ZBTB7C: variants seen among roughly 807,000 people sequenced by gnomAD.
ZBTB7C encodes the protein zinc finger and BTB domain-containing protein 7C.
Under a neutral mutation model 25.7 loss-of-function variants are expected in ZBTB7C, and 8 were observed. The ratio of observed to expected loss-of-function variants is 0.31; its 90% CI spans 0.18 to 0.56. The LOEUF (loss-of-function observed/expected upper bound fraction) is 0.56, where lower values mean the gene tolerates loss of function less well. ZBTB7C is among the 20% of genes least tolerant of loss of function. The probability of loss-of-function intolerance (pLI) is 0.91; values close to 1 mark genes in which losing one functional copy is unlikely to be tolerated. For synonymous variants in ZBTB7C, 394 were observed against 369.0 expected, an observed-to-expected ratio of 1.07 and a Z score of -0.78; for missense variants, 824 against 855.2, an observed-to-expected ratio of 0.96 and a Z score of 0.46.
In ZBTB7C at chr18:48,067,810, T is replaced by G. The variant is rs867990904; in HGVS notation, c.-16-26687A>C. Among the ~76,000 whole-genome samples the G allele has an allele frequency of 3.9e-4, 59 of 152,260 alleles. No individual in the cohort carries two copies. In the Middle Eastern group the frequency reaches 0.01, roughly 26 times the overall value. ...TGAGGTTGGGAGTTCGAGACCAGCC[T>G]GACCAACATGGAGAAACCCCGTCTC... On this transcript the variant is annotated intron_variant, in intron 3 of 4. Coordinates refer to ENST00000590800, the MANE Select transcript of ZBTB7C (RefSeq NM_001318841.2).
At chr18:48,251,862 CCTCT>C (rs370257102) in intron 2 of ZBTB7C, among the ~76,000 whole-genome samples, 1 of 150,654 alleles carries the variant, frequency 6.6e-6, no homozygotes, top group Non-Finnish European at 1.5e-5. Flanking sequence ...TTCAGGTGTC[CCTCT>C]CTCTCTCTCT....
chr18:48,407,529 C>A (rs1044328687), intron 1 of ZBTB7C, among the ~76,000 whole-genome samples: 27 of 152,176 alleles, frequency 1.8e-4, no homozygotes, highest in African/African-American at 6.5e-4. Flanking sequence ...CATTTCTGAT[C>A]TCAAGCCCTA....
intron 2 of ZBTB7C, among the ~76,000 whole-genome samples, chr18:48,251,289 T>G (rs914003406): frequency 6.6e-6 from 1 of 152,174 alleles, no homozygotes; most frequent in South Asian, 2.1e-4. Context: ...AAGTCTATTA[T>G]AGCATATAAA....
intron 1 of ZBTB7C, among the ~76,000 whole-genome samples, chr18:48,351,527 G>C (rs1598931569): frequency 6.6e-6 from 1 of 152,292 alleles, no homozygotes; most frequent in East Asian, 1.9e-4. Flanking sequence ...TCTCGCCATG[G>C]ATGTGCTACA....
At chr18:48,269,439 G>C (rs2144561865) in intron 2 of ZBTB7C, among the ~76,000 whole-genome samples, 1 of 152,290 alleles carries the variant, frequency 6.6e-6, no homozygotes, top group Admixed American at 6.5e-5. Context: ...TGGAGGTTAG[G>C]CTTCAACACA....
At chr18:48,249,969 GT>G (rs922985778) in intron 2 of ZBTB7C, among the ~76,000 whole-genome samples, 1 of 152,208 alleles carries the variant, frequency 6.6e-6, no homozygotes, top group African/African-American at 2.4e-5. Flanking sequence ...GAGCTAATGT[GT>G]TTTTGCCTTG....
intron 3 of ZBTB7C, chr18:48,041,509 C>A: frequency 1.0e-6 from 1 of 985,438 alleles, no homozygotes; most frequent in Non-Finnish European, 1.2e-6. Context: ...CAGGACCCAC[C>A]TCTGTGGGGC....
At chr18:48,325,300 C>T (rs567523500) in intron 2 of ZBTB7C, among the ~76,000 whole-genome samples, 1 of 152,250 alleles carries the variant, frequency 6.6e-6, no homozygotes, top group South Asian at 2.1e-4. Flanking sequence ...TTACTATTAC[C>T]TTATCAGATC....
At chr18:48,163,423 G>A (rs1427602622) in intron 3 of ZBTB7C, among the ~76,000 whole-genome samples, 2 of 152,184 alleles carry the variant, frequency 1.3e-5, no homozygotes, top group African/African-American at 2.4e-5. Flanking sequence ...CACTCCTGGA[G>A]AGTGCAGGGC....
chr18:48,243,525 C>CA (rs1015676190), intron 2 of ZBTB7C, among the ~76,000 whole-genome samples: 4 of 152,012 alleles, frequency 2.6e-5, no homozygotes, highest in Non-Finnish European at 5.9e-5. Flanking sequence ...AAATCATAGA[C>CA]AACACAAACA....
intron 2 of ZBTB7C, among the ~76,000 whole-genome samples, chr18:48,239,494 A>AG (rs1451229498): frequency 4.6e-5 from 7 of 152,228 alleles, no homozygotes; most frequent in African/African-American, 1.7e-4. Context: ...CCACTGGAGT[A>AG]GGTGCTTACA....
At chr18:48,221,394 T>G (rs779081286) in intron 2 of ZBTB7C, among the ~76,000 whole-genome samples, 15 of 135,734 alleles carry the variant, frequency 1.1e-4, no homozygotes, top group Non-Finnish European at 2.0e-4. Context: ...TAGTCTCCTC[T>G]ACACTGTCCT....
At chr18:48,378,390 A>G (rs560766859) in intron 1 of ZBTB7C, among the ~76,000 whole-genome samples, 1 of 152,330 alleles carries the variant, frequency 6.6e-6, no homozygotes, top group South Asian at 2.1e-4. Flanking sequence ...CTAGGCACTC[A>G]GAGCACCAAC....
chr18:48,372,788 G>A (rs1451625909), intron 1 of ZBTB7C, among the ~76,000 whole-genome samples: 2 of 152,018 alleles, frequency 1.3e-5, no homozygotes, highest in Admixed American at 6.6e-5. Flanking sequence ...CTATATGCAG[G>A]TCCTGGAGGC....
At chr18:48,132,856 T>C (rs1233447963) in intron 3 of ZBTB7C, among the ~76,000 whole-genome samples, 2 of 152,218 alleles carry the variant, frequency 1.3e-5, no homozygotes, top group African/African-American at 4.8e-5. Context: ...GCAATAGCCC[T>C]GCAGGTATGT....
At chr18:48,278,155 C>A (rs544510456) in intron 2 of ZBTB7C, among the ~76,000 whole-genome samples, 1 of 152,198 alleles carries the variant, frequency 6.6e-6, no homozygotes, top group African/African-American at 2.4e-5. Context: ...CTGGGCTTGA[C>A]GTGATCTTGC....
At position 48,032,422 on chromosome 18, in the gene ZBTB7C, G is replaced by GTT. The variant is rs71165309; in HGVS notation, c.1209-2513_1209-2512dup. The stretch of plus-strand genomic sequence containing the variant: ...GAGCCACTGTGCCCGGACAAGGTAG[G>GTT]TTTTTTTTTTTTTTTTTTTTTTTTT... On this transcript the variant is annotated intron_variant, in intron 4 of 4. Coordinates refer to ENST00000590800, the MANE Select transcript of ZBTB7C (RefSeq NM_001318841.2). 4.1e-3 allele frequency among the ~76,000 whole-genome samples: 264 copies of GTT among 65,098 alleles called. 24 individuals carry two copies. Among genetic ancestry groups the GTT allele is most frequent in the African/African-American group, 6.7e-3 (105 of 15,764 alleles). The allele number at this position is 65,098 out of a possible 152,430, so 42.7% of individuals were successfully genotyped here.
intron 3 of ZBTB7C, among the ~76,000 whole-genome samples, chr18:48,060,479 G>A (rs550155011): frequency 7.6e-4 from 115 of 152,108 alleles, no homozygotes; most frequent in African/African-American, 2.7e-3. Flanking sequence ...CACCCCCTCT[G>A]CTCCTCCTGC....
At chr18:48,051,074 TC>T (rs1401046620) in intron 3 of ZBTB7C, among the ~76,000 whole-genome samples, 1 of 152,130 alleles carries the variant, frequency 6.6e-6, no homozygotes, top group African/African-American at 2.4e-5. Context: ...TGAGGCTGTA[TC>T]CCCTGTTGAC....
Sources: gnomAD v4.1 joint callset for allele counts (sites outside exome capture counted in the v4.1 genomes callset) on GRCh38, gnomAD v4.1.1 for gene constraint, MANE v1.5 for transcripts, NCBI Gene and HGNC (gene_info 2026-07-23, HGNC 2026-07-21) for gene names.